LXN: variants seen among roughly 807,000 people sequenced by gnomAD.
LXN encodes the protein MUM.
LXN carries 28 observed loss-of-function variants against 29.8 expected under a neutral mutation model. The ratio of observed to expected loss-of-function variants is 0.94; its 90% CI spans 0.70 to 1.29. LXN has a LOEUF of 1.29. LXN is among the 50% of genes most tolerant of loss of function. The pLI, the probability that LXN is intolerant of heterozygous loss-of-function variation, is 0.00. For missense variants in LXN, 227 were observed against 261.7 expected, an observed-to-expected ratio of 0.87 and a Z score of 0.92; for synonymous variants, 77 against 89.6, an observed-to-expected ratio of 0.86 and a Z score of 0.80.
chr3:158,672,277 G>T (rs1724401038), intron 1 of LXN, 73 bp downstream of exon 1: 1 of 1,581,986 alleles, frequency 6.3e-7, no homozygotes, highest in Admixed American at 1.7e-5. Context: ...GCACCCAAAG[G>T]CTGAGACCGC....
chr3:158,667,132 AT>A, intron 4 of LXN, 58 bp from the exon 5 acceptor site: 1 of 1,451,488 alleles, frequency 6.9e-7, no homozygotes, highest in African/African-American at 1.5e-5. Context: ...CAAAAATTAC[AT>A]TTAATTTTGA....
rs776106409 is a variant in LXN at position 158,670,992 on chromosome 3, G to A, written c.157C>T (p.His53Tyr). Residue 53 changes from histidine to tyrosine, a missense_variant, in exon 2 of 6, where the codon CAC becomes TAC. His to Tyr is a moderately conservative substitution (Grantham distance 83, BLOSUM62 2). Coordinates refer to ENST00000264265, the MANE Select transcript of LXN (RefSeq NM_020169.4). ...EDIPGRGHKY[H>Y]LKFAVEEIIQ... Reference sequence around the variant, plus strand: ...ATTTCTTCAACAGCAAATTTAAGGTGATACTTATGTCCTCTTCCTGGAATA... The same window carrying A: ...ATTTCTTCAACAGCAAATTTAAGGTAATACTTATGTCCTCTTCCTGGAATA... 5.2e-6 allele frequency: 8 copies of A among 1,533,596 alleles called. No individual in the cohort carries two copies. The highest frequency in any genetic ancestry group is 1.7e-4 in the Middle Eastern group (1 of 5,740). The allele number at this position is 1,533,596 out of a possible 1,614,324, so 95.0% of individuals were successfully genotyped here. A position where few individuals can be genotyped will look rare whatever the true frequency, so the allele number is the denominator to read the frequency against.
At position 158,672,333 on chromosome 3, in the gene LXN, C is replaced by T. The variant is rs1404183638; in HGVS notation, c.129+17G>A. The T allele has an allele frequency of 1.9e-6, 3 of 1,612,726 alleles. No homozygotes were observed. Among genetic ancestry groups the T allele is most frequent in the Non-Finnish European group, 2.5e-6 (3 of 1,179,158 alleles). ...ATCCTGAAGCCTCTGCTGTCCACCA[C>T]CCCCTGCTAAACTCACCTCCATGCT... On this transcript the variant is annotated intron_variant, in intron 1 of 5. Coordinates refer to ENST00000264265, the MANE Select transcript of LXN (RefSeq NM_020169.4).
At chr3:158,670,306 T>C (rs529063713) in intron 2 of LXN, among the ~76,000 whole-genome samples, 2 of 152,254 alleles carry the variant, frequency 1.3e-5, no homozygotes, top group Non-Finnish European at 2.9e-5. Flanking sequence ...ATTCTATTGC[T>C]TCTGAATATC....
At chr3:158,671,154 G>A in intron 1 of LXN, 135 bp from the exon 2 acceptor site, 1 of 1,199,668 alleles carries the variant, frequency 8.3e-7, no homozygotes, top group Non-Finnish European at 1.1e-6. Flanking sequence ...TCTTGAAAAA[G>A]GCATGTCACC....
chr3:158,669,418 G>A lies in LXN; in HGVS notation c.370+15C>T, dbSNP rs754323507. 6.3e-7 allele frequency: 1 copy of A among 1,593,178 alleles called. No individual in the cohort carries two copies. Among genetic ancestry groups the A allele is most frequent in the Admixed American group, 1.8e-5 (1 of 55,468 alleles). ...TTTGAATCAAACAAATGGTTTTCATGCCATATTTATATACCTGGAATATTT... is the reference window on the plus strand; with the variant it reads ...TTTGAATCAAACAAATGGTTTTCATACCATATTTATATACCTGGAATATTT... On this transcript the variant is annotated intron_variant, in intron 3 of 5. Transcript: ENST00000264265.
rs1362192014 is a variant in LXN at position 158,666,613 on chromosome 3, A to G, written c.*33T>C. 3 of 1,567,172 alleles carry G rather than the reference A, an allele frequency of 1.9e-6. No individual in the cohort carries two copies. Among genetic ancestry groups the G allele is most frequent in the Non-Finnish European group, 2.6e-6 (3 of 1,138,274 alleles). ...GTGAAATTGGCATACACATCAATAGACATGTTTACACTTCCAGTGTTAGGG... is the reference window on the plus strand; with the variant it reads ...GTGAAATTGGCATACACATCAATAGGCATGTTTACACTTCCAGTGTTAGGG... On this transcript the variant is annotated 3_prime_UTR_variant, in exon 6 of 6. Coordinates refer to ENST00000264265, the MANE Select transcript of LXN (RefSeq NM_020169.4).
chr3:158,672,279 T>A, intron 1 of LXN, 71 bp downstream of exon 1: 1 of 1,587,802 alleles, frequency 6.3e-7, no homozygotes, highest in South Asian at 1.1e-5. Context: ...ACCCAAAGGC[T>A]GAGACCGCGG....
chr3:158,671,929 A>G (rs1724358461), intron 1 of LXN, among the ~76,000 whole-genome samples: 1 of 152,058 alleles, frequency 6.6e-6, no homozygotes, highest in Non-Finnish European at 1.5e-5. Flanking sequence ...TCTGATAAGG[A>G]TTTGTCTTAA....
rs116224250 is a variant in LXN, at chr3:158,672,441, G to A, written c.38C>T (p.Ala13Val). 1.3e-3 allele frequency: 2,158 copies of A among 1,614,040 alleles called. 37 individuals carry two copies. In the African/African-American group the frequency reaches 0.025, roughly 19 times the overall value. ...GATGTAGTTCTGTGCCACCAAGGCC[G>A]CCCTGGAGGCTGGGTAGTTGGTCGG... is the stretch of plus-strand genomic sequence containing the variant. ...IPPTNYPASR[A>V]ALVAQNYINY... Residue 13 changes from alanine (A) to valine (V), a missense_variant, in exon 1 of 6, where the codon GCG becomes GTG. Transcript: ENST00000264265.
chr3:158,668,236 A>G (rs1303724346), intron 4 of LXN, among the ~76,000 whole-genome samples: 2 of 152,206 alleles, frequency 1.3e-5, no homozygotes, highest in East Asian at 3.8e-4. Flanking sequence ...ACCTATGCAT[A>G]CCTTCTCATA....
At chr3:158,670,509 G>C (rs1724177101) in intron 2 of LXN, among the ~76,000 whole-genome samples, 2 of 151,988 alleles carry the variant, frequency 1.3e-5, no homozygotes, top group South Asian at 4.1e-4. Context: ...TGTGTAGTTT[G>C]GTAGAAATAA....
intron 4 of LXN, among the ~76,000 whole-genome samples, chr3:158,668,592 G>A (rs150956338): frequency 1.3e-5 from 2 of 152,304 alleles, no homozygotes; most frequent in African/African-American, 4.8e-5. Context: ...TATGATTACC[G>A]TGATGCTTTT....
intron 3 of LXN, 149 bp from the exon 4 acceptor site, chr3:158,669,281 C>T: frequency 1.0e-5 from 12 of 1,194,076 alleles, no homozygotes; most frequent in South Asian, 3.1e-5. Context: ...TTTCTGAGGC[C>T]TCTTTTTTGT....
chr3:158,668,804 A>C (rs1170496361), intron 4 of LXN, among the ~76,000 whole-genome samples, 192 bp downstream of exon 4: 1 of 152,186 alleles, frequency 6.6e-6, no homozygotes, highest in African/African-American at 2.4e-5. Context: ...TAGACCAGTT[A>C]CTGTTGCTTT....
chr3:158,668,836 A>G (rs1723978827), intron 4 of LXN, among the ~76,000 whole-genome samples, 160 bp downstream of exon 4: 1 of 152,064 alleles, frequency 6.6e-6, no homozygotes, highest in Admixed American at 6.6e-5. Flanking sequence ...ACAATTCTTC[A>G]CCTTCTCTAA....
chr3:158,669,194 C>A (rs1724023337), intron 3 of LXN, 62 bp from the exon 4 acceptor site: 2 of 1,453,320 alleles, frequency 1.4e-6, no homozygotes, highest in Non-Finnish European at 1.9e-6. Context: ...AAAACAAAAT[C>A]TAAATTCTAA....
intron 4 of LXN, among the ~76,000 whole-genome samples, chr3:158,667,434 A>C (rs1194044689): frequency 6.6e-6 from 1 of 152,232 alleles, no homozygotes; most frequent in Non-Finnish European, 1.5e-5. Flanking sequence ...GATAAGCTAT[A>C]GCAATGGGTG....
chr3:158,668,285 A>G (rs1723910929), intron 4 of LXN, among the ~76,000 whole-genome samples: 1 of 152,226 alleles, frequency 6.6e-6, no homozygotes, highest in Admixed American at 6.5e-5. Flanking sequence ...AATACCAAAT[A>G]CAATCTAAAT....
Sources: allele counts gnomAD v4.1 joint callset (sites outside exome capture counted in the v4.1 genomes callset), GRCh38; gene constraint gnomAD v4.1.1; transcripts MANE v1.5; gene names NCBI Gene and HGNC (gene_info 2026-07-23, HGNC 2026-07-21).